Variants in SLCO1B3 observed in about 807,000 individuals in gnomAD.
SLCO1B3 encodes the protein liver-specific organic anion transporter 2.
Under a neutral mutation model 71.8 loss-of-function variants are expected in SLCO1B3, and 72 were observed. The ratio of observed to expected loss-of-function variants is 1.00; its 90% CI spans 0.83 to 1.22. The LOEUF (loss-of-function observed/expected upper bound fraction) is 1.22, where lower values mean the gene tolerates loss of function less well. Among genes scored for constraint, SLCO1B3 ranks in the 50% most tolerant of loss-of-function variants. The pLI is 0.00. For missense variants in SLCO1B3, 911 were observed against 819.7 expected, an observed-to-expected ratio of 1.11 and a Z score of -1.36; for synonymous variants, 298 against 278.4, an observed-to-expected ratio of 1.07 and a Z score of -0.70.
At chr12:20,849,747 AT>A (rs1864987017) in intron 3 of SLCO1B3, among the ~76,000 whole-genome samples, 1 of 150,674 alleles carries the variant, frequency 6.6e-6, no homozygotes, top group Non-Finnish European at 1.5e-5. Context: ...ACACACACAT[AT>A]TACTTGTGTT....
intron 13 of SLCO1B3, among the ~76,000 whole-genome samples, chr12:20,893,531 C>A (rs1865944470): frequency 6.6e-6 from 1 of 152,090 alleles, no homozygotes; most frequent in African/African-American, 2.4e-5. Context: ...ATGAGAACTT[C>A]TACATTTCAG....
intron 13 of SLCO1B3, among the ~76,000 whole-genome samples, chr12:20,884,077 C>A (rs1482370013): frequency 6.6e-6 from 1 of 152,134 alleles, no homozygotes; most frequent in African/African-American, 2.4e-5. Context: ...TTTCATGATA[C>A]CCTTGTAGGG....
chr12:20,860,597 CTTTGTGTGTGTG>C (rs1204910296), intron 5 of SLCO1B3, among the ~76,000 whole-genome samples: 6 of 80,212 alleles, frequency 7.5e-5, no homozygotes, highest in East Asian at 6.9e-4. Context: ...AAGTCAAGCA[CTTTGTGTGTGTG>C]TGTGTGTGTG....
intron 13 of SLCO1B3, among the ~76,000 whole-genome samples, chr12:20,895,798 C>T (rs1865995693): frequency 1.3e-5 from 2 of 152,226 alleles, no homozygotes; most frequent in Admixed American, 1.3e-4. Flanking sequence ...ATTTTCCGTT[C>T]ATACTGCCCT....
intron 3 of SLCO1B3, among the ~76,000 whole-genome samples, chr12:20,834,632 A>G (rs991354714): frequency 6.6e-6 from 1 of 152,038 alleles, no homozygotes; most frequent in Non-Finnish European, 1.5e-5. Context: ...GGCAAACATC[A>G]GTGCTCAGTG....
At chr12:20,810,795 C>G (rs1404297598) in intron 1 of SLCO1B3, 31 bp downstream of exon 1, 1 of 152,144 alleles carries the variant, frequency 6.6e-6, no homozygotes, top group African/African-American at 2.4e-5. Context: ...CTAATTAAAA[C>G]ATTTCTTTTA....
chr12:20,827,174 T>C (rs1864440530), intron 3 of SLCO1B3, among the ~76,000 whole-genome samples: 1 of 152,182 alleles, frequency 6.6e-6, no homozygotes. Flanking sequence ...TTTATAACCC[T>C]CATGCCAAAT....
intron 8 of SLCO1B3, among the ~76,000 whole-genome samples, chr12:20,866,582 T>A (rs776947626): frequency 6.6e-6 from 1 of 152,066 alleles, no homozygotes; most frequent in Non-Finnish European, 1.5e-5. Context: ...CTAAAGAGGT[T>A]TGCCTCAAAA....
At chr12:20,912,210 T>A (rs1482575540) in intron 15 of SLCO1B3, among the ~76,000 whole-genome samples, 1 of 151,962 alleles carries the variant, frequency 6.6e-6, no homozygotes, top group African/African-American at 2.4e-5. Flanking sequence ...ATGATCTTTC[T>A]GTTGTTGACT....
Position 20,916,075 on chromosome 12 carries a change from C to T in SLCO1B3, c.1937C>T (p.Ala646Val). ...ALVLYIVFIFAMKKKFQGKDT... is the reference protein window; with the variant it reads ...ALVLYIVFIFVMKKKFQGKDT... The stretch of plus-strand genomic sequence containing the variant: ...GTTTTATATATTGTTTTCATTTTTG[C>T]TATGAAGAAAAAATTTCAAGGAAAA... Residue 646 changes from alanine (A) to valine (V), a missense_variant, in exon 16 of 16, where the codon GCT becomes GTT. Transcript: ENST00000381545. The T allele has an allele frequency of 6.2e-7, 1 of 1,612,040 alleles. No individual in the cohort carries two copies. The highest frequency in any genetic ancestry group is 8.5e-7 in the Non-Finnish European group (1 of 1,178,632).
Position 20,880,885 on chromosome 12 carries a change from A to G in SLCO1B3, c.1362A>G (p.Val454=). The change falls in exon 12 of 16, where the codon GTA becomes GTG. Residue 454 remains valine (V), a synonymous_variant. Transcript: ENST00000381545. ...ATTCAGTGGCATCTCATGTAGATGTACCACTTTCTTATTGCAACTCAGAGT... is the reference window on the plus strand; with the variant it reads ...ATTCAGTGGCATCTCATGTAGATGTGCCACTTTCTTATTGCAACTCAGAGT... The part of the protein sequence containing the change: ...GNNSVASHVD[V]PLSYCNSECN... 4.4e-6 allele frequency: 7 copies of G among 1,608,882 alleles called. No individual in the cohort carries two copies. Among genetic ancestry groups the G allele is most frequent in the Non-Finnish European group, 6.0e-6 (7 of 1,175,900 alleles).
In SLCO1B3 at chr12:20,820,265, G is replaced by A. The variant is rs549239067; in HGVS notation, c.84+4443G>A. ...ATGGGGCTTCTGAGGTGATCAGGCA[G>A]CATCAGTCTTCAGCCGCTACGCCAA... On this transcript the variant is annotated intron_variant, in intron 3 of 15. Coordinates refer to ENST00000381545, the MANE Select transcript of SLCO1B3 (RefSeq NM_019844.4). Among the ~76,000 whole-genome samples, 7 of 152,310 alleles carry A rather than the reference G, an allele frequency of 4.6e-5. No individual in the cohort carries two copies. The East Asian group carries it at 1.4e-3, about 29-fold the overall frequency.
intron 3 of SLCO1B3, among the ~76,000 whole-genome samples, chr12:20,853,882 C>T (rs1298372474): frequency 2.6e-5 from 4 of 151,924 alleles, no homozygotes; most frequent in Non-Finnish European, 5.9e-5. Context: ...GCTTCCACTG[C>T]ATCACATAAG....
At chr12:20,904,279 G>A (rs1866189192) in intron 15 of SLCO1B3, among the ~76,000 whole-genome samples, 1 of 151,972 alleles carries the variant, frequency 6.6e-6, no homozygotes, top group East Asian at 1.9e-4. Flanking sequence ...TACAATGGGG[G>A]TACAGGCATT....
At chr12:20,819,148 C>G (rs1267483630) in intron 3 of SLCO1B3, among the ~76,000 whole-genome samples, 1 of 152,120 alleles carries the variant, frequency 6.6e-6, no homozygotes, top group South Asian at 2.1e-4. Context: ...GTTGTTTGGA[C>G]AGAAAGGCTA....
intron 4 of SLCO1B3, among the ~76,000 whole-genome samples, chr12:20,856,129 A>G (rs1039441047): frequency 6.6e-6 from 1 of 152,216 alleles, no homozygotes; most frequent in Non-Finnish European, 1.5e-5. Context: ...TAGAATTGGA[A>G]TGTTATTAGT....
chr12:20,870,462 T>G (rs1181290271), intron 8 of SLCO1B3, among the ~76,000 whole-genome samples: 1 of 152,198 alleles, frequency 6.6e-6, no homozygotes, highest in Non-Finnish European at 1.5e-5. Flanking sequence ...TTTTATAGTT[T>G]CTAGTTTTAA....
intron 13 of SLCO1B3, among the ~76,000 whole-genome samples, chr12:20,894,462 G>A (rs146329447): frequency 9.8e-4 from 149 of 152,136 alleles, no homozygotes; most frequent in African/African-American, 3.4e-3. Flanking sequence ...GAAGATTTCA[G>A]GCCAGCTCTT....
intron 6 of SLCO1B3, among the ~76,000 whole-genome samples, chr12:20,861,443 T>TCATTAA (rs1404252724): frequency 6.6e-6 from 1 of 152,134 alleles, no homozygotes; most frequent in African/African-American, 2.4e-5. Flanking sequence ...GACTTAAGTC[T>TCATTAA]GTATAAATTT....
Sources: allele counts gnomAD v4.1 joint callset (sites outside exome capture counted in the v4.1 genomes callset), GRCh38; gene constraint gnomAD v4.1.1; transcripts MANE v1.5; gene names NCBI Gene and HGNC (gene_info 2026-07-23, HGNC 2026-07-21).